Variants in BCKDHB observed in about 807,000 individuals in gnomAD.
The protein encoded by BCKDHB is 2-oxoisovalerate dehydrogenase subunit beta, mitochondrial.
BCKDHB carries 41 observed loss-of-function variants against 48.5 expected under a neutral mutation model. That is an observed-to-expected ratio of 0.85 (90% confidence interval 0.66 to 1.10). The LOEUF (loss-of-function observed/expected upper bound fraction) is 1.10, where lower values mean the gene tolerates loss of function less well. Among genes scored for constraint, BCKDHB ranks in the 50% least tolerant of loss-of-function variants. The probability of loss-of-function intolerance (pLI) is 0.00; values close to 1 mark genes in which losing one functional copy is unlikely to be tolerated. For missense variants in BCKDHB, 496 were observed against 494.2 expected (o/e 1.00, Z -0.03); for synonymous variants, 201 against 174.8 (o/e 1.15, Z -1.18).
At chr6:80,451,641 A>C in the BCKDHB span, among the ~76,000 whole-genome samples, 1 of 151,998 alleles carries the variant, frequency 6.6e-6, no homozygotes, top group Non-Finnish European at 1.5e-5. Flanking sequence ...AGGCATGAGA[A>C]TCACTTCAAC....
chr6:80,345,043 T>A lies in BCKDHB; in HGVS notation c.*1239T>A, dbSNP rs1452310299. The stretch of plus-strand genomic sequence containing the variant: ...CCACTACCATTTCCAGAAGCTTTTT[T>A]AACAAGTGAATATTTTTTACATAAT... On this transcript the variant is annotated 3_prime_UTR_variant, in exon 10 of 10. Transcript: ENST00000320393. The A allele has an allele frequency of 6.6e-6, 1 of 152,222 alleles. No homozygotes were observed. The highest frequency in any genetic ancestry group is 2.4e-5 in the African/African-American group (1 of 41,458). The allele number at this position is 152,222 out of a possible 1,614,324, so 9.4% of individuals were successfully genotyped here. A position where few individuals can be genotyped will look rare whatever the true frequency, so the allele number is the denominator to read the frequency against.
chr6:80,447,245 A>G, the BCKDHB span, among the ~76,000 whole-genome samples: 907 of 152,230 alleles, frequency 6.0e-3, 9 homozygotes, highest in African/African-American at 0.02. Context: ...GCCTTATTAT[A>G]TACTGTTACT....
chr6:80,127,715 A>G, intron 2 of BCKDHB, 91 bp downstream of exon 2: 1 of 1,140,762 alleles, frequency 8.8e-7, no homozygotes, highest in Non-Finnish European at 1.3e-6. Flanking sequence ...TCAATGGTTA[A>G]CATTGTATCT....
intron 4 of BCKDHB, 74 bp from the exon 5 acceptor site, chr6:80,168,801 G>GGGAGGGAGGGAGGGAT: frequency 6.4e-7 from 1 of 1,557,794 alleles, no homozygotes; most frequent in Non-Finnish European, 8.8e-7. Context: ...AAGGGAGGGA[G>GGGAGGGAGGGAGGGAT]GGAGGAAGAA....
intron 8 of BCKDHB, among the ~76,000 whole-genome samples, chr6:80,266,620 G>A (rs1050403029): frequency 2.0e-5 from 3 of 151,998 alleles, no homozygotes; most frequent in Admixed American, 6.6e-5. Flanking sequence ...ATTGTACTGC[G>A]AACTCGTTAT....
chr6:80,252,166 T>G (rs1276456451), intron 8 of BCKDHB, among the ~76,000 whole-genome samples: 1 of 152,198 alleles, frequency 6.6e-6, no homozygotes, highest in Admixed American at 6.6e-5. Flanking sequence ...ACACAACTAG[T>G]GAGCAGAAGT....
rs879247086 is a variant in BCKDHB, at chr6:80,168,869, C to T, written c.478-6C>T. 1.2e-6 allele frequency: 2 copies of T among 1,613,674 alleles called. No homozygotes were observed. Among genetic ancestry groups the T allele is most frequent in the Non-Finnish European group, 1.7e-6 (2 of 1,179,900 alleles). On this transcript the variant is annotated splice_region_variant and splice_polypyrimidine_tract_variant and intron_variant, in intron 4 of 9. Coordinates refer to ENST00000320393, the MANE Select transcript of BCKDHB (RefSeq NM_183050.4). ...GCCATGCCCCGTCTTTCTTTCTGAC[C>T]CTCAGATTGTTAATGAAGCTGCCAA...
At chr6:80,365,136 A>G in the BCKDHB span, among the ~76,000 whole-genome samples, 3 of 152,162 alleles carry the variant, frequency 2.0e-5, no homozygotes, top group African/African-American at 4.8e-5. Context: ...ACAGGACAAA[A>G]GGCAAAAGCA....
At chr6:80,366,991 A>T in the BCKDHB span, among the ~76,000 whole-genome samples, 1 of 152,198 alleles carries the variant, frequency 6.6e-6, no homozygotes, top group East Asian at 1.9e-4. Flanking sequence ...ACAGGACTGC[A>T]TTTAAACAAA....
At chr6:80,332,938 AAG>A in intron 9 of BCKDHB, among the ~76,000 whole-genome samples, 1 of 142,586 alleles carries the variant, frequency 7.0e-6, no homozygotes, top group Non-Finnish European at 1.6e-5. Context: ...AAAAAAAAAA[AAG>A]TACAAATTCG....
At chr6:80,333,124 A>C (rs1769404883) in intron 9 of BCKDHB, among the ~76,000 whole-genome samples, 1 of 152,182 alleles carries the variant, frequency 6.6e-6, no homozygotes, top group South Asian at 2.1e-4. Context: ...TCATAGGTAC[A>C]ATAATAGCAC....
intron 9 of BCKDHB, among the ~76,000 whole-genome samples, chr6:80,300,053 C>CTT (rs879942206): frequency 4.2e-5 from 6 of 143,680 alleles, no homozygotes; most frequent in African/African-American, 1.3e-4. Flanking sequence ...AGCCACTAGT[C>CTT]TTTTTTTTTT....
At chr6:80,143,660 A>C (rs1771329966) in intron 3 of BCKDHB, among the ~76,000 whole-genome samples, 1 of 152,142 alleles carries the variant, frequency 6.6e-6, no homozygotes, top group Non-Finnish European at 1.5e-5. Flanking sequence ...GTGCTAAGAA[A>C]TCACTTGTGA....
the BCKDHB span, among the ~76,000 whole-genome samples, chr6:80,420,248 G>C: frequency 1.3e-5 from 2 of 152,124 alleles, no homozygotes; most frequent in African/African-American, 4.8e-5. Context: ...GCTCTGCATT[G>C]CCATGTTTGC....
chr6:80,219,849 C>A (rs1562147536), intron 8 of BCKDHB, among the ~76,000 whole-genome samples: 2 of 152,090 alleles, frequency 1.3e-5, no homozygotes, highest in Admixed American at 1.3e-4. Flanking sequence ...TCATTATATA[C>A]TAGTGTCACA....
chr6:80,453,500 A>T, the BCKDHB span, among the ~76,000 whole-genome samples: 2 of 152,208 alleles, frequency 1.3e-5, no homozygotes, highest in Admixed American at 1.3e-4. Flanking sequence ...TCATACACAT[A>T]CCACAGTGTG....
At chr6:80,189,082 C>T (rs1324312095) in intron 6 of BCKDHB, among the ~76,000 whole-genome samples, 1 of 152,282 alleles carries the variant, frequency 6.6e-6, no homozygotes, top group African/African-American at 2.4e-5. Context: ...ATGTGTTTCT[C>T]AGAATGTGTG....
At chr6:80,325,135 C>A (rs1562230987) in intron 9 of BCKDHB, among the ~76,000 whole-genome samples, 1 of 152,092 alleles carries the variant, frequency 6.6e-6, no homozygotes, top group Admixed American at 6.6e-5. Context: ...AGAAAAAAAT[C>A]TGTGGTGTTT....
the BCKDHB span, among the ~76,000 whole-genome samples, chr6:80,377,790 T>C: frequency 3.9e-5 from 6 of 152,202 alleles, no homozygotes; most frequent in Non-Finnish European, 8.8e-5. Context: ...TTTTTCTGTA[T>C]CAGGATTGCA....
Sources: allele counts gnomAD v4.1 joint callset (sites outside exome capture counted in the v4.1 genomes callset), GRCh38; gene constraint gnomAD v4.1.1; transcripts MANE v1.5; gene names NCBI Gene and HGNC (gene_info 2026-07-23, HGNC 2026-07-21).